DAB2IP: variants seen among roughly 807,000 people sequenced by gnomAD.
DAB2IP encodes the protein DAB2 interacting protein, also known as disabled homolog 2-interacting protein.
A neutral mutation model predicts 107.2 loss-of-function variants in DAB2IP; 28 were observed. The ratio of observed to expected loss-of-function variants is 0.26; its 90% confidence interval spans 0.19 to 0.36. The LOEUF (loss-of-function observed/expected upper bound fraction) is 0.36, where lower values mean the gene tolerates loss of function less well. Among genes scored for constraint, DAB2IP ranks in the 10% least tolerant of loss-of-function variants. DAB2IP has a pLI of 1.00. For missense variants in DAB2IP, 1,400 were observed against 1,644.7 expected (o/e 0.85, Z 2.57); for synonymous variants, 755 against 706.4 (o/e 1.07, Z -1.09).
chr9:121,699,578 C>A lies in DAB2IP; in HGVS notation c.362+120C>A. On this transcript the variant is annotated intron_variant, in intron 3 of 15. Transcript: ENST00000408936. The surrounding 1 kb of genome is among the most constrained non-coding windows in gnomAD (Gnocchi z 6.2). ...GCCACACGGCGGTGGGGGGACCCCA[C>A]GCCGCCCGCCGGGAACTTATGGGGC... 2 of 919,712 alleles carry A rather than the reference C, an allele frequency of 2.2e-6. No individual in the cohort carries two copies. The highest frequency in any genetic ancestry group is 1.4e-6 in the Non-Finnish European group (1 of 735,514). The allele number at this position is 919,712 out of a possible 1,614,324, so 57.0% of individuals were successfully genotyped here.
At chr9:121,730,369 T>A (rs1224162905) in intron 3 of DAB2IP, among the ~76,000 whole-genome samples, 1 of 152,224 alleles carries the variant, frequency 6.6e-6, no homozygotes, top group Non-Finnish European at 1.5e-5. Flanking sequence ...TGCAACAGCA[T>A]CACCCGCCGG....
intron 1 of DAB2IP, among the ~76,000 whole-genome samples, chr9:121,591,670 T>C (rs73544273): frequency 6.6e-6 from 1 of 152,178 alleles, no homozygotes; most frequent in Non-Finnish European, 1.5e-5. Flanking sequence ...GGTGGATGCA[T>C]GGAACAAGTT....
In DAB2IP at chr9:121,760,526, T is replaced by TCTGTTAGGCCTGA; in HGVS notation, c.1170+87_1170+88insCTGTTAGGCCTGA. On this transcript the variant is annotated intron_variant, in intron 6 of 15. Transcript: ENST00000408936. The surrounding 1 kb of genome is among the most constrained non-coding windows in gnomAD (Gnocchi z 5.9). ...TCCTCACATCCGTACATTTCAGGCC[T>TCTGTTAGGCCTGA]AACAGAGGCCTTGGAGGCACCGGTC... 7.0e-7 allele frequency: 1 copy of TCTGTTAGGCCTGA among 1,427,430 alleles called. No homozygotes were observed. The highest frequency in any genetic ancestry group is 9.2e-7 in the Non-Finnish European group (1 of 1,084,276). 88.4% of individuals were successfully genotyped at this position (1,427,430 alleles called of 1,614,324 possible). A position where few individuals can be genotyped will look rare whatever the true frequency, so the allele number is the denominator to read the frequency against.
chr9:121,725,511 G>C (rs1831190382), intron 3 of DAB2IP, among the ~76,000 whole-genome samples: 1 of 152,216 alleles, frequency 6.6e-6, no homozygotes, highest in African/African-American at 2.4e-5. Context: ...CTTCCTCTGT[G>C]TACGCTCTGC....
At chr9:121,771,981 G>C (rs1188490873) in intron 11 of DAB2IP, among the ~76,000 whole-genome samples, 3 of 152,206 alleles carry the variant, frequency 2.0e-5, no homozygotes, top group Admixed American at 6.5e-5. Context: ...CCAGAGAAAA[G>C]CGTAGAATGA....
intron 3 of DAB2IP, among the ~76,000 whole-genome samples, chr9:121,733,882 A>G (rs1230182812): frequency 1.3e-5 from 2 of 152,222 alleles, no homozygotes; most frequent in African/African-American, 2.4e-5. Flanking sequence ...GTTCCCTGTG[A>G]TAAGCTCCAG....
rs1835178717 is a variant in DAB2IP, at chr9:121,776,080, C to T, written c.3121-118C>T. On this transcript the variant is annotated intron_variant, in intron 13 of 15. Transcript: ENST00000408936. The surrounding 1 kb of genome is among the most constrained non-coding windows in gnomAD (Gnocchi z 5.4). ...TCCTTGCTATGTGAAGTGGGCGGGT[C>T]ACAGCCACTGGGGCCTTTCAAGTGG... 13 of 1,228,668 alleles carry T rather than the reference C, an allele frequency of 1.1e-5. No individual in the cohort carries two copies. The highest frequency in any genetic ancestry group is 1.5e-5 in the Non-Finnish European group (13 of 891,626). 76.1% of individuals were successfully genotyped at this position (1,228,668 alleles called of 1,614,324 possible).
Position 121,584,789 on chromosome 9 carries a change from G to A in DAB2IP, c.40+17561G>A, listed in dbSNP as rs138417565. 3.5e-4 allele frequency among the ~76,000 whole-genome samples: 53 copies of A among 152,300 alleles called. No homozygotes were observed. The East Asian group carries it at 8.5e-3, about 24-fold the overall frequency. ...GGGGATTTGTGGGAGGACAATCACC[G>A]TGCACTTAGTTAATTAATGATAGCT... On this transcript the variant is annotated intron_variant, in intron 1 of 16. Transcript: ENST00000259371.
At position 121,678,768 on chromosome 9, in the gene DAB2IP, C is replaced by T. The variant is rs763394734; in HGVS notation, c.215C>T (p.Pro72Leu). Residue 72 changes from proline to leucine, a missense_variant, in exon 2 of 16, where the codon CCG becomes CTG. This residue lies in a region of DAB2IP where 283 missense variants were observed against 237.0 expected (regional missense o/e 1.19). Transcript: ENST00000408936. ...AGCATGGAGCCCTCGGCCGCCACGCCGTTCCGGGTCACGGTAACTATCTCT... is the reference window on the plus strand; with the variant it reads ...AGCATGGAGCCCTCGGCCGCCACGCTGTTCCGGGTCACGGTAACTATCTCT... 8.8e-6 allele frequency: 14 copies of T among 1,593,642 alleles called. No homozygotes were observed. Among genetic ancestry groups the T allele is most frequent in the South Asian group, 4.5e-5 (4 of 88,680 alleles).
rs373956059 is a variant in DAB2IP, at chr9:121,678,757, G to C, written c.204G>C (p.Ser68=). Reference sequence around the variant, plus strand: ...AGAAGAGCCCCAGCATGGAGCCCTCGGCCGCCACGCCGTTCCGGGTCACGG... The same window carrying C: ...AGAAGAGCCCCAGCATGGAGCCCTCCGCCGCCACGCCGTTCCGGGTCACGG... Residue 68 remains serine (S), a synonymous_variant, in exon 2 of 16, where the codon TCG becomes TCC. Transcript: ENST00000408936. 221 of 1,597,418 alleles carry C rather than the reference G, an allele frequency of 1.4e-4. No individual in the cohort carries two copies. In the Middle Eastern group the frequency reaches 4.5e-3, roughly 32 times the overall value.
intron 1 of DAB2IP, among the ~76,000 whole-genome samples, chr9:121,595,685 T>A (rs1003281572): frequency 6.6e-6 from 1 of 152,168 alleles, no homozygotes; most frequent in African/African-American, 2.4e-5. Context: ...CTCCTTCCTA[T>A]TAAACATCTC....
At chr9:121,642,021 C>CTTTCTTTCTT (rs1554718274) in intron 1 of DAB2IP, among the ~76,000 whole-genome samples, 16 of 12,480 alleles carry the variant, frequency 1.3e-3, no homozygotes, top group East Asian at 7.8e-3. Flanking sequence ...CTCTCTCTCT[C>CTTTCTTTCTT]TCTCTCTCTC....
At chr9:121,596,098 A>G (rs1830523959) in intron 1 of DAB2IP, among the ~76,000 whole-genome samples, 1 of 152,160 alleles carries the variant, frequency 6.6e-6, no homozygotes, top group African/African-American at 2.4e-5. Context: ...AGGCAGGTGG[A>G]TCACCTGAGG....
intron 1 of DAB2IP, among the ~76,000 whole-genome samples, chr9:121,610,056 ATG>A (rs10537988): frequency 0.94 from 141,599 of 150,576 alleles, 67,107 homozygotes; most frequent in East Asian, 1. Context: ...GATTTTGTGT[ATG>A]TGTGTGTGTG....
Position 121,774,258 on chromosome 9 carries a change from AGGGCCCTTCAC to A in DAB2IP, c.2968-1_2977del. On this transcript the variant is annotated splice_acceptor_variant and coding_sequence_variant, in exon 13 of 16. Transcript: ENST00000408936. LOFTEE classifies it high-confidence loss of function. The stretch of plus-strand genomic sequence containing the variant: ...GCCCCTCACAGCTGTGTTTCATTGT[AGGGCCCTTCAC>A]CTGTGAGCCCCAATGCCCTGGACCG... 1.2e-6 allele frequency: 2 copies of A among 1,606,850 alleles called. No individual in the cohort carries two copies. Among genetic ancestry groups the A allele is most frequent in the Non-Finnish European group, 1.7e-6 (2 of 1,176,856 alleles).
At chr9:121,636,040 A>G (rs1290821384) in intron 1 of DAB2IP, among the ~76,000 whole-genome samples, 1 of 152,000 alleles carries the variant, frequency 6.6e-6, no homozygotes, top group Non-Finnish European at 1.5e-5. Flanking sequence ...AGTAGCTGGG[A>G]CTACAGGTAC....
In DAB2IP at chr9:121,736,639, C is replaced by T. The variant is rs1202928041; in HGVS notation, c.363-20374C>T. Among the ~76,000 whole-genome samples the T allele has an allele frequency of 1.3e-5, 2 of 152,216 alleles. No homozygotes were observed. Among genetic ancestry groups the T allele is most frequent in the Admixed American group, 6.5e-5 (1 of 15,286 alleles). ...GGCGTGGCGCAGCCCGACGTTAGTC[C>T]GGAATGCTCTGGGAGCAGCGCTCGG... On this transcript the variant is annotated intron_variant, in intron 3 of 15. Transcript: ENST00000408936. The surrounding 1 kb of genome is among the most constrained non-coding windows in gnomAD (Gnocchi z 4.6).
exon 9 of DAB2IP, chr9:121,766,695 C>T (rs1480992084): frequency 4.3e-6 from 7 of 1,613,992 alleles, no homozygotes; most frequent in Non-Finnish European, 8.5e-7. Context: ...TCACCCTCAT[C>T]GCCAAGGTCA....
chr9:121,756,300 C>T (rs16910952), intron 3 of DAB2IP, among the ~76,000 whole-genome samples: 3,973 of 152,258 alleles, frequency 0.026, 90 homozygotes, highest in African/African-American at 0.045. Context: ...GTCTGGTCTG[C>T]GTTTGGGTGC....
Sources: gnomAD v4.1 joint callset for allele counts (sites outside exome capture counted in the v4.1 genomes callset) on GRCh38, gnomAD v4.1.1 for gene constraint, gnomAD v4.1.1 regional missense constraint, Gnocchi (gnomAD v3.1) non-coding constraint, MANE v1.5 for transcripts, NCBI Gene and HGNC (gene_info 2026-07-23, HGNC 2026-07-21) for gene names.